Variants in RBMS3 observed in about 807,000 individuals in gnomAD.
RBMS3 encodes the protein RNA-binding motif, single-stranded-interacting protein 3.
Under a neutral mutation model 66.8 loss-of-function variants are expected in RBMS3, and 27 were observed. That is an observed-to-expected ratio of 0.40 (90% CI 0.30 to 0.56). The LOEUF (loss-of-function observed/expected upper bound fraction) is 0.56, where lower values mean the gene tolerates loss of function less well. RBMS3 is among the 20% of genes least tolerant of loss of function. RBMS3 has a pLI of 0.40. For missense variants in RBMS3, 513 were observed against 549.5 expected (o/e 0.93, Z 0.66); for synonymous variants, 188 against 183.0 (o/e 1.03, Z -0.22).
At chr3:29,983,981 C>T (rs1698189489) in intron 12 of RBMS3, among the ~76,000 whole-genome samples, 1 of 152,142 alleles carries the variant, frequency 6.6e-6, no homozygotes, top group Non-Finnish European at 1.5e-5. Context: ...GGGAAGTTCT[C>T]CTGGATAATA....
chr3:29,493,397 C>A (rs920282549), intron 3 of RBMS3, among the ~76,000 whole-genome samples: 1 of 152,152 alleles, frequency 6.6e-6, no homozygotes, highest in South Asian at 2.1e-4. Flanking sequence ...CTGCACTGTG[C>A]CTTCTGCAAG....
intron 3 of RBMS3, among the ~76,000 whole-genome samples, chr3:29,544,699 ATG>A (rs138879910): frequency 2.0e-5 from 3 of 150,654 alleles, no homozygotes; most frequent in East Asian, 1.9e-4. Flanking sequence ...TGAAATGTAA[ATG>A]TGTGTGTGTG....
At chr3:29,418,908 A>G (rs1209243214) in intron 1 of RBMS3, among the ~76,000 whole-genome samples, 1 of 152,192 alleles carries the variant, frequency 6.6e-6, no homozygotes, top group Non-Finnish European at 1.5e-5. Context: ...AGGAAAAGCA[A>G]TCAAATTGAT....
intron 2 of RBMS3, among the ~76,000 whole-genome samples, chr3:29,445,572 G>A (rs768142504): frequency 9.9e-5 from 15 of 151,966 alleles, no homozygotes; most frequent in Non-Finnish European, 1.8e-4. Context: ...ATTTCTCTTT[G>A]CAATCTTTGA....
intron 4 of RBMS3, among the ~76,000 whole-genome samples, chr3:29,724,774 C>T (rs867127045): frequency 2.6e-5 from 4 of 152,198 alleles, no homozygotes; most frequent in African/African-American, 7.2e-5. Flanking sequence ...AATGGAATTT[C>T]AAGTTAAGGG....
At chr3:29,478,486 C>G (rs2043024321) in intron 2 of RBMS3, among the ~76,000 whole-genome samples, 1 of 152,114 alleles carries the variant, frequency 6.6e-6, no homozygotes, top group African/African-American at 2.4e-5. Context: ...CTAATCACCT[C>G]CCAAAGGCCC....
At position 29,482,189 on chromosome 3, in the gene RBMS3, G is replaced by A. The variant is rs112982071; in HGVS notation, c.249-6252G>A. Among the ~76,000 whole-genome samples, 254 of 152,298 alleles carry A rather than the reference G, an allele frequency of 1.7e-3. 2 individuals carry two copies. Among genetic ancestry groups the A allele is most frequent in the African/African-American group, 5.9e-3 (244 of 41,570 alleles). On this transcript the variant is annotated intron_variant, in intron 2 of 14. Coordinates refer to ENST00000383767, the MANE Select transcript of RBMS3 (RefSeq NM_001003793.3). ...GCATGTGAGGTTTCTGACTCTATTG[G>A]TATGGAAATCCCTTTCTCATAAACT...
At chr3:29,437,644 T>A (rs2041450229) in intron 2 of RBMS3, among the ~76,000 whole-genome samples, 1 of 152,198 alleles carries the variant, frequency 6.6e-6, no homozygotes, top group Admixed American at 6.5e-5. Flanking sequence ...AGAACTGATG[T>A]GATTGGGCAA....
intron 3 of RBMS3, among the ~76,000 whole-genome samples, chr3:29,567,786 G>A (rs141609934): frequency 3.5e-4 from 54 of 152,218 alleles, no homozygotes; most frequent in African/African-American, 1.3e-3. Context: ...CGATTACCTA[G>A]AATATTAGCT....
At chr3:29,698,922 A>G (rs1354378837) in intron 4 of RBMS3, among the ~76,000 whole-genome samples, 1 of 152,178 alleles carries the variant, frequency 6.6e-6, no homozygotes, top group Non-Finnish European at 1.5e-5. Flanking sequence ...TTATTCACCC[A>G]GCTTTCTTCA....
At chr3:29,989,154 C>CTGTAGATATCATGAA (rs1208668151) in intron 13 of RBMS3, among the ~76,000 whole-genome samples, 2 of 152,172 alleles carry the variant, frequency 1.3e-5, no homozygotes, top group Non-Finnish European at 2.9e-5. Context: ...ACTCTTATTG[C>CTGTAGATATCATGAA]TGTAGATATC....
chr3:29,696,651 A>G (rs2052292491), intron 4 of RBMS3, among the ~76,000 whole-genome samples: 1 of 152,200 alleles, frequency 6.6e-6, no homozygotes, highest in Non-Finnish European at 1.5e-5. Flanking sequence ...ATAATATTTG[A>G]GAGTTGATGA....
At chr3:29,533,771 C>T (rs1419816684) in intron 3 of RBMS3, among the ~76,000 whole-genome samples, 2 of 151,324 alleles carry the variant, frequency 1.3e-5, no homozygotes, top group Admixed American at 1.3e-4. Flanking sequence ...AGCGAGGCTC[C>T]GTCTCTAAAT....
At chr3:29,409,782 G>A (rs909734689) in intron 1 of RBMS3, among the ~76,000 whole-genome samples, 7 of 152,210 alleles carry the variant, frequency 4.6e-5, no homozygotes, top group African/African-American at 1.7e-4. Context: ...CAATGTGCCT[G>A]CCTATCAAAA....
intron 4 of RBMS3, among the ~76,000 whole-genome samples, chr3:29,617,824 T>G (rs2048720777): frequency 6.6e-6 from 1 of 152,164 alleles, no homozygotes; most frequent in African/African-American, 2.4e-5. Context: ...TACAAATATT[T>G]ATTATGATTT....
intron 2 of RBMS3, among the ~76,000 whole-genome samples, chr3:29,477,309 C>T (rs1166157801): frequency 2.6e-5 from 4 of 152,094 alleles, no homozygotes; most frequent in African/African-American, 9.7e-5. Context: ...AAATAGGAGG[C>T]ATATCACTGT....
At chr3:29,519,083 G>T (rs2044752577) in intron 3 of RBMS3, among the ~76,000 whole-genome samples, 1 of 152,204 alleles carries the variant, frequency 6.6e-6, no homozygotes, top group South Asian at 2.1e-4. Flanking sequence ...CAATGTGACA[G>T]TGAAATTACA....
intron 10 of RBMS3, among the ~76,000 whole-genome samples, chr3:29,901,591 C>G (rs568586356): frequency 6.6e-6 from 1 of 151,752 alleles, no homozygotes; most frequent in South Asian, 2.1e-4. Flanking sequence ...CAGCTTCAGC[C>G]TCGTGTTCGC....
intron 4 of RBMS3, among the ~76,000 whole-genome samples, chr3:29,600,002 T>TA (rs1354377932): frequency 6.6e-6 from 1 of 152,128 alleles, no homozygotes; most frequent in African/African-American, 2.4e-5. Flanking sequence ...TTACTAGTAG[T>TA]AAAATAAATG....
Sources: gnomAD v4.1 joint callset for allele counts (sites outside exome capture counted in the v4.1 genomes callset) on GRCh38, gnomAD v4.1.1 for gene constraint, MANE v1.5 for transcripts, NCBI Gene and HGNC (gene_info 2026-07-23, HGNC 2026-07-21) for gene names.